SEMA3E: variants seen among roughly 807,000 people sequenced by gnomAD.
The protein encoded by SEMA3E is semaphorin-3E.
SEMA3E carries 49 observed loss-of-function variants against 93.6 expected under a neutral mutation model. The observed-to-expected ratio is 0.52, with a 90% CI of 0.42 to 0.66. SEMA3E has a LOEUF of 0.66. Among genes scored for constraint, SEMA3E ranks in the 30% least tolerant of loss-of-function variants. The pLI is 0.00. For synonymous variants in SEMA3E, 363 were observed against 330.7 expected (o/e 1.10, Z -1.06); for missense variants, 906 against 964.8 (o/e 0.94, Z 0.81).
At chr7:83,403,135 A>C (rs928144036) in intron 9 of SEMA3E, among the ~76,000 whole-genome samples, 2 of 151,920 alleles carry the variant, frequency 1.3e-5, no homozygotes, top group East Asian at 3.8e-4. Context: ...TTTAGATATT[A>C]TCTCCTTTTA....
At chr7:83,393,972 A>G (rs757487686) in intron 13 of SEMA3E, among the ~76,000 whole-genome samples, 14 of 152,198 alleles carry the variant, frequency 9.2e-5, no homozygotes, top group Admixed American at 2.0e-4. Context: ...GAAAACAAGT[A>G]TCAAATGTAA....
At chr7:83,540,100 C>G (rs1033837203) in intron 1 of SEMA3E, among the ~76,000 whole-genome samples, 21 of 152,124 alleles carry the variant, frequency 1.4e-4, no homozygotes, top group Admixed American at 3.9e-4. Flanking sequence ...CCAGGCTGGT[C>G]CCGAACTCCT....
At chr7:83,592,968 T>C (rs1026613325) in intron 1 of SEMA3E, among the ~76,000 whole-genome samples, 6 of 150,172 alleles carry the variant, frequency 4.0e-5, no homozygotes, top group African/African-American at 1.5e-4. Context: ...ATTTTTTTTC[T>C]TTTAGACAAG....
At chr7:83,413,171 A>G (rs1257863737) in intron 5 of SEMA3E, among the ~76,000 whole-genome samples, 1 of 152,110 alleles carries the variant, frequency 6.6e-6, no homozygotes, top group Non-Finnish European at 1.5e-5. Context: ...AATTAAATCC[A>G]TTGCATTGCC....
chr7:83,571,298 A>G (rs1323261393), intron 1 of SEMA3E, among the ~76,000 whole-genome samples: 2 of 152,166 alleles, frequency 1.3e-5, no homozygotes, highest in Non-Finnish European at 2.9e-5. Flanking sequence ...CATATCCCTG[A>G]TGAGCATATA....
intron 9 of SEMA3E, 55 bp from the exon 10 acceptor site, chr7:83,402,831 G>T: frequency 6.6e-7 from 1 of 1,522,526 alleles, no homozygotes; most frequent in Non-Finnish European, 9.0e-7. Context: ...AGGTCATCTA[G>T]CCAAATACCC....
At chr7:83,487,433 A>C (rs2723009) in intron 2 of SEMA3E, among the ~76,000 whole-genome samples, 70,596 of 151,890 alleles carry the variant, frequency 0.46, 17,005 homozygotes, top group South Asian at 0.64. Context: ...TTTATAGGTT[A>C]TTCTAATATT....
In SEMA3E at chr7:83,380,498, A is replaced by G. The variant is rs578067552; in HGVS notation, c.1875+4796T>C. ...TCTAGCCATGATTTACATGTACCAT[A>G]TTGTTTTTCATCTTGTAACATAAGC... On this transcript the variant is annotated intron_variant, in intron 16 of 16. Coordinates refer to ENST00000643230, the MANE Select transcript of SEMA3E (RefSeq NM_012431.3). 1.3e-3 allele frequency among the ~76,000 whole-genome samples: 193 copies of G among 151,942 alleles called. 1 individual carries two copies. The highest frequency in any genetic ancestry group is 4.5e-3 in the African/African-American group (188 of 41,482).
intron 2 of SEMA3E, among the ~76,000 whole-genome samples, chr7:83,486,513 T>C (rs113354072): frequency 1.3e-5 from 2 of 152,246 alleles, no homozygotes; most frequent in African/African-American, 4.8e-5. Context: ...ATATTACATC[T>C]TCAGAGCCTG....
chr7:83,443,185 C>A (rs551257400), intron 4 of SEMA3E, among the ~76,000 whole-genome samples: 1 of 152,266 alleles, frequency 6.6e-6, no homozygotes, highest in Admixed American at 6.5e-5. Flanking sequence ...AGTGGAGTAC[C>A]TTTGTACAGG....
intron 1 of SEMA3E, among the ~76,000 whole-genome samples, chr7:83,572,929 CAAA>C (rs951165349): frequency 2.0e-5 from 3 of 151,030 alleles, no homozygotes; most frequent in African/African-American, 7.3e-5. Context: ...CTAGAAAAAA[CAAA>C]AAAAACAAAA....
chr7:83,556,756 A>G (rs572544978), intron 1 of SEMA3E, among the ~76,000 whole-genome samples: 28 of 152,336 alleles, frequency 1.8e-4, no homozygotes, highest in Non-Finnish European at 2.9e-4. Context: ...CTTAATCCCC[A>G]GTGAAACAGT....
At chr7:83,411,828 T>A (rs1788444319) in intron 5 of SEMA3E, among the ~76,000 whole-genome samples, 2 of 152,156 alleles carry the variant, frequency 1.3e-5, no homozygotes, top group Admixed American at 1.3e-4. Context: ...TTAAAATACC[T>A]TTTAGGGCTT....
intron 1 of SEMA3E, among the ~76,000 whole-genome samples, chr7:83,564,342 T>G (rs1226932111): frequency 6.6e-6 from 1 of 151,946 alleles, no homozygotes; most frequent in Non-Finnish European, 1.5e-5. Flanking sequence ...TCACTTGAAC[T>G]TGGGAGGTTG....
At chr7:83,611,432 A>G (rs556931274) in intron 1 of SEMA3E, among the ~76,000 whole-genome samples, 107 of 147,260 alleles carry the variant, frequency 7.3e-4, no homozygotes, top group Non-Finnish European at 5.3e-4. Flanking sequence ...GGTGATATAT[A>G]TTATGCTATA....
At chr7:83,393,859 T>C (rs971161058) in intron 13 of SEMA3E, among the ~76,000 whole-genome samples, 22 of 152,282 alleles carry the variant, frequency 1.4e-4, no homozygotes, top group Middle Eastern at 3.4e-3. Flanking sequence ...ATTGTTACCA[T>C]TGTTTTTGAA....
At chr7:83,529,636 G>A (rs558019790) in intron 1 of SEMA3E, among the ~76,000 whole-genome samples, 61 of 152,212 alleles carry the variant, frequency 4.0e-4, no homozygotes, top group African/African-American at 1.4e-3. Context: ...AGGATATACT[G>A]TTATCTGGAA....
At chr7:83,371,052 TGGA>T (rs1209982817) in intron 16 of SEMA3E, among the ~76,000 whole-genome samples, 3 of 152,150 alleles carry the variant, frequency 2.0e-5, no homozygotes, top group Non-Finnish European at 4.4e-5. Flanking sequence ...TGTGGGGATG[TGGA>T]GATCAGCTCT....
At chr7:83,454,652 T>C (rs1461831421) in intron 4 of SEMA3E, among the ~76,000 whole-genome samples, 14 of 152,184 alleles carry the variant, frequency 9.2e-5, no homozygotes, top group Non-Finnish European at 1.9e-4. Context: ...AAAATACTTT[T>C]GAGGAAAACA....
Sources: gnomAD v4.1 joint callset for allele counts (sites outside exome capture counted in the v4.1 genomes callset) on GRCh38, gnomAD v4.1.1 for gene constraint, MANE v1.5 for transcripts, NCBI Gene and HGNC (gene_info 2026-07-23, HGNC 2026-07-21) for gene names.